RAB7B: variants seen among roughly 807,000 people sequenced by gnomAD.
RAB7B encodes the protein RAB7B, member RAS oncogene family.
rs976345135 is a variant in RAB7B, at chr1:206,000,666, G to A, written c.-17+2587C>T. Among the ~76,000 whole-genome samples, 27 of 152,340 alleles carry A rather than the reference G, an allele frequency of 1.8e-4. 1 individual carries two copies. In the East Asian group the frequency reaches 4.8e-3, roughly 27 times the overall value. On this transcript the variant is annotated intron_variant, in intron 1 of 5. Transcript: ENST00000617070. ...AGATAATTGTTTACCAGCTGGGAGA[G>A]GGGGTGAGTCTAGAGGCCAGGGCCC...
intron 1 of RAB7B, among the ~76,000 whole-genome samples, chr1:205,995,768 A>T (rs1376573274): frequency 6.6e-6 from 1 of 152,196 alleles, no homozygotes; most frequent in East Asian, 1.9e-4. Context: ...AGGATAAAAA[A>T]TTTCAGTTAG....
rs1007742288 is a variant in RAB7B at position 205,998,495 on chromosome 1, A to G, written c.-16-4344T>C. On this transcript the variant is annotated intron_variant, in intron 1 of 5. Coordinates refer to ENST00000617070, the MANE Select transcript of RAB7B (RefSeq NM_001164522.3). ...CTCAGATTTGGTGAATTTCAACAAA[A>G]CCCTAGGAGAGTTGGAGGAGGCAGA... Among the ~76,000 whole-genome samples the G allele has an allele frequency of 2.2e-4, 33 of 152,316 alleles. No homozygotes were observed. In the East Asian group the frequency reaches 4.4e-3, roughly 20 times the overall value.
intron 5 of RAB7B, among the ~76,000 whole-genome samples, chr1:205,979,917 G>C (rs1012065505): frequency 5.3e-5 from 8 of 152,088 alleles, no homozygotes; most frequent in African/African-American, 1.4e-4. Context: ...TTATCTCCCC[G>C]GCAGTTCCCA....
chr1:205,986,302 T>C (rs932969324), intron 4 of RAB7B, among the ~76,000 whole-genome samples: 5 of 152,210 alleles, frequency 3.3e-5, no homozygotes, highest in Middle Eastern at 3.2e-3. Flanking sequence ...CACTTTATCA[T>C]ATATGAACTC....
At chr1:206,001,223 C>CAGTG (rs1372959561) in intron 1 of RAB7B, among the ~76,000 whole-genome samples, 1 of 151,424 alleles carries the variant, frequency 6.6e-6, no homozygotes, top group East Asian at 1.9e-4. Flanking sequence ...AGATCTCATA[C>CAGTG]AGTGGTTGGA....
intron 1 of RAB7B, among the ~76,000 whole-genome samples, chr1:206,000,282 T>A (rs892955364): frequency 2.6e-5 from 4 of 152,254 alleles, no homozygotes; most frequent in Non-Finnish European, 4.4e-5. Flanking sequence ...GTTTTAAAAT[T>A]TGTTACACAA....
chr1:205,980,368 A>G (rs1455358882), intron 5 of RAB7B, among the ~76,000 whole-genome samples: 1 of 152,200 alleles, frequency 6.6e-6, no homozygotes, highest in Non-Finnish European at 1.5e-5. Flanking sequence ...CTTTCCGTTA[A>G]TGACATCATT....
intron 5 of RAB7B, chr1:205,983,894 T>C (rs1660543164): frequency 6.6e-6 from 1 of 152,142 alleles, no homozygotes; most frequent in Non-Finnish European, 1.5e-5. Flanking sequence ...AGGACACCAT[T>C]TGAAGAATAA....
intron 5 of RAB7B, among the ~76,000 whole-genome samples, chr1:205,981,864 A>G (rs879160780): frequency 0.24 from 18,357 of 77,672 alleles, 3,655 homozygotes; most frequent in African/African-American, 0.4. Flanking sequence ...CTTTCAGAAT[A>G]TTAACTGAAC....
At chr1:205,980,388 C>A (rs1660468105) in intron 5 of RAB7B, among the ~76,000 whole-genome samples, 1 of 152,230 alleles carries the variant, frequency 6.6e-6, no homozygotes, top group Non-Finnish European at 1.5e-5. Context: ...TTTCACTTGA[C>A]AATGGCAGCA....
Position 205,992,494 on chromosome 1 carries a change from G to C in RAB7B, c.382C>G (p.Leu128Val). ...PMVLLGNKID[L>V]ADRKVPQEVA... is the part of the protein sequence containing the mutation. Reference sequence around the variant, plus strand: ...ACGAACAGTACCTTCCGGTCTGCCAGATCGATCTTGTTCCCCAACAACACC... The same window carrying C: ...ACGAACAGTACCTTCCGGTCTGCCACATCGATCTTGTTCCCCAACAACACC... The change falls in exon 4 of 6, where the codon CTG becomes GTG. Residue 128 changes from leucine (L) to valine (V), a missense_variant. Coordinates refer to ENST00000617070, the MANE Select transcript of RAB7B (RefSeq NM_001164522.3). The C allele has an allele frequency of 2.5e-6, 1 of 398,696 alleles. No homozygotes were observed. The allele number at this position is 398,696 out of a possible 1,614,324, so 24.7% of individuals were successfully genotyped here.
intron 1 of RAB7B, among the ~76,000 whole-genome samples, chr1:205,998,358 A>G (rs1321715793): frequency 6.6e-6 from 1 of 152,186 alleles, no homozygotes. Context: ...TCGGTCTCAA[A>G]CAAACAAATA....
intron 4 of RAB7B, among the ~76,000 whole-genome samples, chr1:205,987,256 T>A (rs1219876117): frequency 2.6e-5 from 4 of 152,234 alleles, no homozygotes; most frequent in African/African-American, 4.8e-5. Flanking sequence ...TCATCTTTTG[T>A]TTATAAAATG....
rs1217546864 is a variant in RAB7B, at chr1:205,976,928, T to G, written c.*1923A>C. On this transcript the variant is annotated 3_prime_UTR_variant, in exon 6 of 6. Transcript: ENST00000617070. ...GGCGCATCATGTTTCCCAGGAGCTCTGAAGGACACAGATAGAGCTTGTGCT... is the reference window on the plus strand; with the variant it reads ...GGCGCATCATGTTTCCCAGGAGCTCGGAAGGACACAGATAGAGCTTGTGCT... 1 of 152,206 alleles carries G rather than the reference T, an allele frequency of 6.6e-6. No homozygotes were observed. The highest frequency in any genetic ancestry group is 1.5e-5 in the Non-Finnish European group (1 of 68,034). The allele number at this position is 152,206 out of a possible 1,614,324, so 9.4% of individuals were successfully genotyped here. A position where few individuals can be genotyped will look rare whatever the true frequency, so the allele number is the denominator to read the frequency against.
At chr1:205,998,398 C>T (rs1660841116) in intron 1 of RAB7B, among the ~76,000 whole-genome samples, 2 of 152,136 alleles carry the variant, frequency 1.3e-5, no homozygotes, top group South Asian at 4.1e-4. Context: ...GAAGGCTTTC[C>T]TGTGTCATGC....
chr1:205,997,879 C>T (rs1423389328), intron 1 of RAB7B, among the ~76,000 whole-genome samples: 2 of 152,146 alleles, frequency 1.3e-5, no homozygotes, highest in South Asian at 2.1e-4. Flanking sequence ...CAGGAAGAAG[C>T]GGGAGAAGAG....
intron 1 of RAB7B, among the ~76,000 whole-genome samples, chr1:206,000,763 G>C (rs1233776115): frequency 1.3e-5 from 2 of 152,182 alleles, no homozygotes; most frequent in African/African-American, 4.8e-5. Context: ...TACCAGCGTG[G>C]AGCCTGCTCC....
intron 5 of RAB7B, among the ~76,000 whole-genome samples, chr1:205,981,168 T>C (rs1345983263): frequency 1.3e-5 from 2 of 152,156 alleles, no homozygotes; most frequent in Non-Finnish European, 2.9e-5. Flanking sequence ...CCCAAAATGC[T>C]GGGATTACAG....
chr1:205,989,544 C>A (rs913642816), intron 4 of RAB7B, among the ~76,000 whole-genome samples: 27,752 of 151,906 alleles, frequency 0.18, 2,601 homozygotes, highest in Non-Finnish European at 0.2. Context: ...CTCAATCTCT[C>A]CATGTCAGCC....
Sources: gnomAD v4.1 joint callset for allele counts (sites outside exome capture counted in the v4.1 genomes callset) on GRCh38, gnomAD v4.1.1 for gene constraint, MANE v1.5 for transcripts, NCBI Gene and HGNC (gene_info 2026-07-23, HGNC 2026-07-21) for gene names.